KCNMA1: variants seen among roughly 807,000 people sequenced by gnomAD.
The protein encoded by KCNMA1 is potassium calcium-activated channel subfamily M alpha 1.
KCNMA1 carries 29 observed loss-of-function variants against 140.0 expected under a neutral mutation model. That is an observed-to-expected ratio of 0.21 (90% CI 0.15 to 0.28). The LOEUF (loss-of-function observed/expected upper bound fraction) is 0.28, where lower values mean the gene tolerates loss of function less well. Ranked by LOEUF, KCNMA1 falls within the 10% of genes least tolerant of loss-of-function variation. The probability of loss-of-function intolerance (pLI) is 1.00; values close to 1 mark genes in which losing one functional copy is unlikely to be tolerated. For missense variants in KCNMA1, 880 were observed against 1,602.2 expected (o/e 0.55, Z 7.70); for synonymous variants, 612 against 611.9 (o/e 1.00, Z 0.00).
At chr10:77,216,051 ACAT>A (rs892198344) in intron 3 of KCNMA1, among the ~76,000 whole-genome samples, 6 of 152,278 alleles carry the variant, frequency 3.9e-5, no homozygotes, top group African/African-American at 1.4e-4. Context: ...TATCTTGAAA[ACAT>A]CATGCTAATT....
chr10:76,895,978 G>T (rs891503191), intron 25 of KCNMA1, among the ~76,000 whole-genome samples: 1 of 152,156 alleles, frequency 6.6e-6, no homozygotes, highest in African/African-American at 2.4e-5. Context: ...CAAGGTCAGG[G>T]CAAAACTAGA....
chr10:77,519,178 C>A (rs535067260), intron 1 of KCNMA1, among the ~76,000 whole-genome samples: 7 of 152,262 alleles, frequency 4.6e-5, no homozygotes, highest in African/African-American at 1.4e-4. Flanking sequence ...TGGGCCAGCA[C>A]GCTGACATTT....
Position 77,580,747 on chromosome 10 carries a change from C to A in KCNMA1, c.378+56518G>T, listed in dbSNP as rs546259176. Among the ~76,000 whole-genome samples the A allele has an allele frequency of 2.0e-5, 3 of 152,338 alleles. No individual in the cohort carries two copies. The South Asian group carries it at 6.2e-4, about 32-fold the overall frequency. On this transcript the variant is annotated intron_variant, in intron 1 of 27. Transcript: ENST00000286628. ...GCAGAGACCAAAGTCCAGACCTGTT[C>A]CTGAAGCTAAACCACTGTTGCAGGT...
At chr10:77,600,465 G>C (rs1023094743) in intron 1 of KCNMA1, among the ~76,000 whole-genome samples, 3 of 152,070 alleles carry the variant, frequency 2.0e-5, no homozygotes, top group Non-Finnish European at 4.4e-5. Context: ...CACACACACA[G>C]AGGCCGGGCA....
chr10:77,238,017 G>A (rs572781096), intron 3 of KCNMA1, among the ~76,000 whole-genome samples: 87 of 152,208 alleles, frequency 5.7e-4, no homozygotes, highest in African/African-American at 1.9e-3. Context: ...CCACTGCCTC[G>A]CCTTCCCTGC....
intron 15 of KCNMA1, among the ~76,000 whole-genome samples, chr10:77,036,307 C>T (rs2094327448): frequency 1.3e-5 from 2 of 152,046 alleles, no homozygotes; most frequent in Admixed American, 1.3e-4. Flanking sequence ...GACCTTCTGC[C>T]CCCACTGCCT....
intron 2 of KCNMA1, among the ~76,000 whole-genome samples, chr10:77,299,174 T>C (rs1363869716): frequency 6.6e-6 from 1 of 152,156 alleles, no homozygotes; most frequent in African/African-American, 2.4e-5. Flanking sequence ...ATGGGGAAAG[T>C]TGAAGACCAC....
At chr10:77,038,288 C>T (rs1349709470) in intron 15 of KCNMA1, among the ~76,000 whole-genome samples, 1 of 152,074 alleles carries the variant, frequency 6.6e-6, no homozygotes, top group African/African-American at 2.4e-5. Context: ...TGTGGTAAAG[C>T]CTGATCAGTT....
intron 2 of KCNMA1, among the ~76,000 whole-genome samples, chr10:77,263,917 G>A (rs575290617): frequency 6.6e-6 from 1 of 152,216 alleles, no homozygotes; most frequent in South Asian, 2.1e-4. Context: ...CAAAGAGAAA[G>A]CCCTAACCTG....
chr10:77,540,418 G>A (rs535271214), intron 1 of KCNMA1, among the ~76,000 whole-genome samples: 115 of 152,302 alleles, frequency 7.6e-4, no homozygotes, highest in African/African-American at 2.0e-3. Flanking sequence ...GGGAAAAACT[G>A]GCACTGTTCA....
chr10:77,611,762 A>G (rs1055763010), intron 1 of KCNMA1, among the ~76,000 whole-genome samples: 2 of 152,140 alleles, frequency 1.3e-5, no homozygotes, highest in Non-Finnish European at 2.9e-5. Context: ...AGCCACAGAC[A>G]ACTTTACCAA....
At chr10:77,032,306 T>G (rs897822013) in intron 15 of KCNMA1, among the ~76,000 whole-genome samples, 1 of 152,324 alleles carries the variant, frequency 6.6e-6, no homozygotes, top group East Asian at 1.9e-4. Context: ...GAATGAGCAT[T>G]AGCCATCTAA....
chr10:77,194,904 G>GA (rs1168210779), intron 3 of KCNMA1, among the ~76,000 whole-genome samples: 5 of 152,172 alleles, frequency 3.3e-5, no homozygotes, highest in African/African-American at 1.2e-4. Context: ...TTGACGAACA[G>GA]AAAACAATGT....
At chr10:77,536,656 C>T (rs906908478) in intron 1 of KCNMA1, among the ~76,000 whole-genome samples, 4 of 152,140 alleles carry the variant, frequency 2.6e-5, no homozygotes, top group Non-Finnish European at 5.9e-5. Context: ...AGCTTGTGGG[C>T]AGGATGTTGG....
chr10:77,287,372 T>A (rs1274206903), intron 2 of KCNMA1, among the ~76,000 whole-genome samples: 2 of 152,194 alleles, frequency 1.3e-5, no homozygotes, highest in African/African-American at 2.4e-5. Flanking sequence ...ACAGACTATC[T>A]ACCTACACAA....
downstream of KCNMA1, chr10:76,874,641 C>A (rs914625462): frequency 1.3e-5 from 2 of 152,180 alleles, no homozygotes; most frequent in African/African-American, 4.8e-5. Flanking sequence ...AACCCTAACA[C>A]TTCTAATTTC....
chr10:77,198,026 G>T (rs2041175610), intron 3 of KCNMA1, among the ~76,000 whole-genome samples: 1 of 152,082 alleles, frequency 6.6e-6, no homozygotes, highest in African/African-American at 2.4e-5. Context: ...TGGCTTCCCT[G>T]GCCATCCTTT....
intron 3 of KCNMA1, among the ~76,000 whole-genome samples, chr10:77,214,140 G>A (rs908568803): frequency 2.6e-5 from 4 of 152,170 alleles, no homozygotes; most frequent in African/African-American, 4.8e-5. Flanking sequence ...GACTGGTTTC[G>A]CTTTAAATTC....
chr10:77,145,158 G>A (rs753593289), intron 5 of KCNMA1, among the ~76,000 whole-genome samples: 22 of 152,116 alleles, frequency 1.4e-4, no homozygotes, highest in Non-Finnish European at 2.2e-4. Context: ...GGACCCTGTA[G>A]GTGTGGCAAT....
Sources: gnomAD v4.1 joint callset for allele counts (sites outside exome capture counted in the v4.1 genomes callset) on GRCh38, gnomAD v4.1.1 for gene constraint, MANE v1.5 for transcripts, NCBI Gene and HGNC (gene_info 2026-07-23, HGNC 2026-07-21) for gene names.